CDX2: variants seen among roughly 807,000 people sequenced by gnomAD.
CDX2 encodes the protein homeobox protein CDX-2.
A neutral mutation model predicts 25.5 loss-of-function variants in CDX2; 7 were observed. That is an observed-to-expected ratio of 0.27 (90% CI 0.16 to 0.52). The LOEUF (loss-of-function observed/expected upper bound fraction) is 0.52. Ranked by LOEUF, CDX2 falls within the 20% of genes least tolerant of loss-of-function variation. The pLI is 0.97. For synonymous variants in CDX2, 222 were observed against 198.6 expected, an observed-to-expected ratio of 1.12 and a Z score of -0.99; for missense variants, 375 against 431.4, an observed-to-expected ratio of 0.87 and a Z score of 1.16.
chr13:27,963,211 C>G lies in CDX2; in HGVS notation c.846G>C (p.Leu282Phe), dbSNP rs1175532846. 2 of 1,614,108 alleles carry G rather than the reference C, an allele frequency of 1.2e-6. No homozygotes were observed. Among genetic ancestry groups the G allele is most frequent in the African/African-American group, 2.7e-5 (2 of 74,954 alleles). The change falls in exon 3 of 3, where the codon TTG becomes TTC. Residue 282 changes from leucine (L) to phenylalanine (F), a missense_variant. Around this residue, in one of 3 missense-constraint regions of CDX2, gnomAD observed 58 missense variants for 59.4 expected, o/e 0.98. Coordinates refer to ENST00000381020, the MANE Select transcript of CDX2 (RefSeq NM_001265.6). ...PGPLRSVPEP[L>F]SPVSSLQASV... ...AGGCTTGCAGGGAAGACACCGGACTCAAGGGCTCTGGGACACTTCTCAGAG... is the reference window on the plus strand; with the variant it reads ...AGGCTTGCAGGGAAGACACCGGACTGAAGGGCTCTGGGACACTTCTCAGAG...
intron 1 of CDX2, among the ~76,000 whole-genome samples, chr13:27,966,185 A>G (rs1869312581): frequency 6.6e-6 from 1 of 152,162 alleles, no homozygotes; most frequent in Non-Finnish European, 1.5e-5. Context: ...AATAACAACC[A>G]CATTCTGTTT....
chr13:27,969,113 G>T lies in CDX2; in HGVS notation c.-107C>A, dbSNP rs1869508275. 4.9e-6 allele frequency: 4 copies of T among 816,204 alleles called. No homozygotes were observed. In the East Asian group the frequency reaches 1.2e-4, roughly 25 times the overall value. 50.6% of individuals were successfully genotyped at this position (816,204 alleles called of 1,614,324 possible). On this transcript the variant is annotated 5_prime_UTR_variant, in exon 1 of 3. Coordinates refer to ENST00000381020, the MANE Select transcript of CDX2 (RefSeq NM_001265.6). ...GGGCGAGGGGACTCGAGGAGCGGCG[G>T]GTGGCTGCGCCCCAGCCCGCGGTGC...
chr13:27,967,244 C>T, intron 1 of CDX2: 1 of 500,240 alleles, frequency 2.0e-6, no homozygotes, highest in Non-Finnish European at 3.9e-6. Flanking sequence ...CAAGCCAAAG[C>T]TCTGAGGCTC....
At chr13:27,966,613 C>T (rs1037477120) in intron 1 of CDX2, among the ~76,000 whole-genome samples, 4 of 152,174 alleles carry the variant, frequency 2.6e-5, no homozygotes, top group Non-Finnish European at 5.9e-5. Flanking sequence ...GGTGCTGCCC[C>T]TTCAGTGTCC....
At position 27,965,034 on chromosome 13, in the gene CDX2, T is replaced by A. The variant is rs771445196; in HGVS notation, c.542-19A>T. 1 of 1,612,910 alleles carries A rather than the reference T, an allele frequency of 6.2e-7. No homozygotes were observed. The highest frequency in any genetic ancestry group is 8.5e-7 in the Non-Finnish European group (1 of 1,179,368). ...GTTTTCACTGTGGAGGAAGGAGAAG[T>A]GAGGGCTGAGAACTGCAAGGCAGCC... On this transcript the variant is annotated intron_variant, in intron 1 of 2. Transcript: ENST00000381020.
In CDX2 at chr13:27,968,551, G is replaced by A; in HGVS notation, c.456C>T (p.Ala152=). The A allele has an allele frequency of 6.4e-7, 1 of 1,568,262 alleles. No homozygotes were observed. The highest frequency in any genetic ancestry group is 1.8e-5 in the Admixed American group (1 of 56,256). Residue 152 remains alanine (A), a synonymous_variant, in exon 1 of 3, where the codon GCC becomes GCT. Transcript: ENST00000381020. ...GGCCGCCGGGAGACAGCTGCTCGGC[G>A]GCAGCGGTGGCGGCGGGCCCAGGAG... ...PGPPGPAATA[A]AEQLSPGGQR...
intron 1 of CDX2, among the ~76,000 whole-genome samples, chr13:27,966,562 G>A (rs1216679262): frequency 1.3e-5 from 2 of 152,196 alleles, no homozygotes; most frequent in African/African-American, 4.8e-5. Context: ...CACCCCGGGA[G>A]GGAGACTCGC....
chr13:27,965,509 AG>A (rs1869273358), intron 1 of CDX2, among the ~76,000 whole-genome samples: 1 of 152,198 alleles, frequency 6.6e-6, no homozygotes, highest in African/African-American at 2.4e-5. Flanking sequence ...AGCGGGGCTC[AG>A]GAGCTGACAA....
At position 27,962,947 on chromosome 13, in the gene CDX2, C is replaced by G; in HGVS notation, c.*168G>C. On this transcript the variant is annotated 3_prime_UTR_variant, in exon 3 of 3. Transcript: ENST00000381020. The stretch of plus-strand genomic sequence containing the variant: ...CTGGGAGAGTATATTTCTTGAGGCC[C>G]CAAATCCCACTTGTCTTACTCCTGG... The G allele has an allele frequency of 1.2e-6, 1 of 820,804 alleles. No individual in the cohort carries two copies. The highest frequency in any genetic ancestry group is 1.7e-5 in the African/African-American group (1 of 58,976). The allele number at this position is 820,804 out of a possible 1,614,324, so 50.8% of individuals were successfully genotyped here. A position where few individuals can be genotyped will look rare whatever the true frequency, so the allele number is the denominator to read the frequency against.
chr13:27,968,453 A>G lies in CDX2; in HGVS notation c.541+13T>C, dbSNP rs759248087. On this transcript the variant is annotated intron_variant, in intron 1 of 2. Transcript: ENST00000381020. ...TCCCAAGCACCCTCCGAAGGGGCGC[A>G]GCCTCTGCTTACCTTGGCTGCCGAG... 12 of 1,520,272 alleles carry G rather than the reference A, an allele frequency of 7.9e-6. No individual in the cohort carries two copies. Among genetic ancestry groups the G allele is most frequent in the Non-Finnish European group, 1.0e-5 (12 of 1,148,898 alleles). 94.2% of individuals were successfully genotyped at this position (1,520,272 alleles called of 1,614,324 possible).
At position 27,962,916 on chromosome 13, in the gene CDX2, A is replaced by G; in HGVS notation, c.*199T>C. The G allele has an allele frequency of 1.7e-6, 1 of 597,266 alleles. No individual in the cohort carries two copies. Among genetic ancestry groups the G allele is most frequent in the Non-Finnish European group, 2.6e-6 (1 of 383,818 alleles). The allele number at this position is 597,266 out of a possible 1,614,324, so 37.0% of individuals were successfully genotyped here. On this transcript the variant is annotated 3_prime_UTR_variant, in exon 3 of 3. Coordinates refer to ENST00000381020, the MANE Select transcript of CDX2 (RefSeq NM_001265.6). Reference sequence around the variant, plus strand: ...CAGAAAAAGCCAGATGGGAAAAAGTAAAAATCTGGGAGAGTATATTTCTTG... The same window carrying G: ...CAGAAAAAGCCAGATGGGAAAAAGTGAAAATCTGGGAGAGTATATTTCTTG...
chr13:27,963,128 G>A lies in CDX2; in HGVS notation c.929C>T (p.Thr310Ile), dbSNP rs1283128357. 1 of 1,612,766 alleles carries A rather than the reference G, an allele frequency of 6.2e-7. No individual in the cohort carries two copies. The highest frequency in any genetic ancestry group is 2.2e-5 in the East Asian group (1 of 44,830). ...LGPTGGVLNP[T>I]VTQ ...GAACCCGGTGGGTCACTGGGTGACG[G>A]TGGGGTTTAGCACCCCCCCAGTTGG... The change falls in exon 3 of 3, where the codon ACC (threonine) becomes ATC (isoleucine). Residue 310 changes from threonine (T) to isoleucine (I), a missense_variant. Thr to Ile is a moderately conservative substitution (Grantham distance 89, BLOSUM62 -1). Around this residue, in one of 3 missense-constraint regions of CDX2, gnomAD observed 58 missense variants for 59.4 expected, o/e 0.98. Coordinates refer to ENST00000381020, the MANE Select transcript of CDX2 (RefSeq NM_001265.6).
Position 27,964,843 on chromosome 13 carries a change from G to T in CDX2, c.687+27C>A. The T allele has an allele frequency of 6.2e-7, 1 of 1,609,974 alleles. No homozygotes were observed. The highest frequency in any genetic ancestry group is 8.5e-7 in the Non-Finnish European group (1 of 1,178,312). On this transcript the variant is annotated intron_variant, in intron 2 of 2. Coordinates refer to ENST00000381020, the MANE Select transcript of CDX2 (RefSeq NM_001265.6). The surrounding 1 kb of genome is among the most constrained non-coding windows in gnomAD (Gnocchi z 4.7). The stretch of plus-strand genomic sequence containing the variant: ...ATGGTCCTCTGCCAGGCAGTGGCCC[G>T]CCCGGAGGGAGCTAGGCGGTCCCCA...
At position 27,962,335 on chromosome 13, in the gene CDX2, A is replaced by C; in HGVS notation, c.*780T>G. 2 of 224,712 alleles carry C rather than the reference A, an allele frequency of 8.9e-6. No individual in the cohort carries two copies. The highest frequency in any genetic ancestry group is 5.8e-5 in the Admixed American group (1 of 17,256). 13.9% of individuals were successfully genotyped at this position (224,712 alleles called of 1,614,324 possible). ...ACAAACTCCCCCCACCCCCTTCTTC[A>C]TCAGCCCCAAGATTGTGAAAATGAC... On this transcript the variant is annotated 3_prime_UTR_variant, in exon 3 of 3. Transcript: ENST00000381020.
At position 27,968,879 on chromosome 13, in the gene CDX2, T is replaced by C. The variant is rs771731984; in HGVS notation, c.128A>G (p.Tyr43Cys). 1 of 1,602,510 alleles carries C rather than the reference T, an allele frequency of 6.2e-7. No homozygotes were observed. Among genetic ancestry groups the C allele is most frequent in the Non-Finnish European group, 8.5e-7 (1 of 1,175,966 alleles). The change falls in exon 1 of 3, where the codon TAC (tyrosine) becomes TGC (cysteine). Residue 43 changes from tyrosine (Y) to cysteine (C), a missense_variant. This residue lies in a region of CDX2 where 253 missense variants were observed against 247.5 expected (regional missense o/e 1.02). Transcript: ENST00000381020. Reference protein sequence around the residue: ...SPPQYPDYGGYHVAAAAAAAA... With the variant: ...SPPQYPDYGGCHVAAAAAAAA... ...CGCTGCAGCTGCGGCCGCCACGTGG[T>C]AACCGCCGTAGTCCGGGTACTGCGG... is the stretch of plus-strand genomic sequence containing the variant.
Position 27,969,219 on chromosome 13 carries a change from T to C in CDX2, c.-213A>G, listed in dbSNP as rs1048655788. On this transcript the variant is annotated 5_prime_UTR_variant, in exon 1 of 3. Coordinates refer to ENST00000381020, the MANE Select transcript of CDX2 (RefSeq NM_001265.6). ...CCTCCTCCCTCCCTCCCTTTCTTCC[T>C]TCTTTCCTCCCACCTCCTTCCCACT... The C allele has an allele frequency of 1.8e-6, 1 of 549,136 alleles. No homozygotes were observed. The allele number at this position is 549,136 out of a possible 1,614,324, so 34.0% of individuals were successfully genotyped here. A position where few individuals can be genotyped will look rare whatever the true frequency, so the allele number is the denominator to read the frequency against.
chr13:27,966,897 C>T (rs1357009670), intron 1 of CDX2, among the ~76,000 whole-genome samples: 1 of 151,896 alleles, frequency 6.6e-6, no homozygotes, highest in Non-Finnish European at 1.5e-5. Flanking sequence ...GATGACGCTC[C>T]GCAGAGGAGC....
intron 1 of CDX2, 101 bp downstream of exon 1, chr13:27,968,365 C>T (rs929610957): frequency 1.5e-6 from 2 of 1,322,868 alleles, no homozygotes; most frequent in South Asian, 3.8e-5. Flanking sequence ...CCCAGACAGC[C>T]CGGGACGCCC....
At chr13:27,965,162 A>G in intron 1 of CDX2, 147 bp from the exon 2 acceptor site, 1 of 788,906 alleles carries the variant, frequency 1.3e-6, no homozygotes, top group Non-Finnish European at 2.0e-6. Context: ...AAGTCTGACA[A>G]GACCCCCCAG....
Sources: gnomAD v4.1 joint callset for allele counts (sites outside exome capture counted in the v4.1 genomes callset) on GRCh38, gnomAD v4.1.1 for gene constraint, gnomAD v4.1.1 regional missense constraint, Gnocchi (gnomAD v3.1) non-coding constraint, MANE v1.5 for transcripts, NCBI Gene and HGNC (gene_info 2026-07-23, HGNC 2026-07-21) for gene names.